Variants in LRRC4C observed in about 807,000 individuals in gnomAD.
The protein encoded by LRRC4C is leucine rich repeat containing 4C.
Under a neutral mutation model 33.6 loss-of-function variants are expected in LRRC4C, and 5 were observed. The observed-to-expected ratio is 0.15, with a 90% CI of 0.08 to 0.31. The LOEUF (loss-of-function observed/expected upper bound fraction) is 0.31. Among genes scored for constraint, LRRC4C ranks in the 10% least tolerant of loss-of-function variants. LRRC4C has a pLI of 1.00. For synonymous variants in LRRC4C, 329 were observed against 302.0 expected (o/e 1.09, Z -0.93); for missense variants, 560 against 796.7 (o/e 0.70, Z 3.58).
At chr11:40,126,217 T>C (rs1856213502) in intron 6 of LRRC4C, among the ~76,000 whole-genome samples, 1 of 151,920 alleles carries the variant, frequency 6.6e-6, no homozygotes, top group Non-Finnish European at 1.5e-5. Context: ...AGAAGACTTA[T>C]TTGGCTTACA....
chr11:40,258,069 G>A (rs1182634598), intron 4 of LRRC4C, among the ~76,000 whole-genome samples: 1 of 152,084 alleles, frequency 6.6e-6, no homozygotes, highest in Non-Finnish European at 1.5e-5. Context: ...TTACAGCAAT[G>A]TGCCTATCTT....
At chr11:41,070,874 C>T (rs1938625019) in intron 1 of LRRC4C, among the ~76,000 whole-genome samples, 1 of 152,060 alleles carries the variant, frequency 6.6e-6, no homozygotes, top group South Asian at 2.1e-4. Flanking sequence ...ACCAGAAATA[C>T]CATTTGATCC....
chr11:41,269,064 G>A (rs1949239536), intron 1 of LRRC4C, among the ~76,000 whole-genome samples: 1 of 152,076 alleles, frequency 6.6e-6, no homozygotes, highest in Non-Finnish European at 1.5e-5. Flanking sequence ...TATACTAATA[G>A]CATTGGGTAA....
chr11:40,174,683 G>A (rs1860327994), intron 5 of LRRC4C, among the ~76,000 whole-genome samples: 1 of 152,178 alleles, frequency 6.6e-6, no homozygotes, highest in Non-Finnish European at 1.5e-5. Context: ...CATAGCAGCA[G>A]TGTGGAGTTT....
chr11:40,604,096 T>C (rs986538646), intron 3 of LRRC4C, among the ~76,000 whole-genome samples: 5 of 151,944 alleles, frequency 3.3e-5, no homozygotes, highest in African/African-American at 1.2e-4. Context: ...GAGAAAGAAA[T>C]ATGCATCCAA....
At chr11:40,624,067 C>T (rs527304186) in intron 3 of LRRC4C, among the ~76,000 whole-genome samples, 7 of 152,124 alleles carry the variant, frequency 4.6e-5, no homozygotes, top group African/African-American at 1.7e-4. Flanking sequence ...AAGCCACTTG[C>T]GTATTCAAAT....
rs562525278 is a variant in LRRC4C at position 40,924,100 on chromosome 11, A to G, written c.-407+9535T>C. ...TGTGTGTATATATGTGTGTGTGTGT[A>G]TGTGTGTGTGTGTGTGTGTGTGTAT... On this transcript the variant is annotated intron_variant, in intron 2 of 6. Transcript: ENST00000528697. 8.1e-3 allele frequency among the ~76,000 whole-genome samples: 1,176 copies of G among 144,870 alleles called. 12 individuals are homozygous for G. The highest frequency in any genetic ancestry group is 0.028 in the Admixed American group (403 of 14,346).
intron 3 of LRRC4C, among the ~76,000 whole-genome samples, chr11:40,553,523 AAGCAT>A (rs1253689184): frequency 6.6e-6 from 1 of 152,166 alleles, no homozygotes; most frequent in Non-Finnish European, 1.5e-5. Flanking sequence ...AACTCTAAGT[AAGCAT>A]GATGTTTCCA....
chr11:40,895,714 C>T (rs1026821548), intron 2 of LRRC4C, among the ~76,000 whole-genome samples: 3 of 152,310 alleles, frequency 2.0e-5, no homozygotes, highest in East Asian at 1.9e-4. Context: ...CATTTGGCCA[C>T]TGGATACTTT....
At chr11:40,598,334 A>T (rs1005591998) in intron 3 of LRRC4C, among the ~76,000 whole-genome samples, 15 of 152,170 alleles carry the variant, frequency 9.9e-5, no homozygotes, top group African/African-American at 3.6e-4. Context: ...CCTAGAACAG[A>T]AAATGGCTAA....
At chr11:40,382,929 G>A (rs1197829883) in intron 3 of LRRC4C, among the ~76,000 whole-genome samples, 9 of 151,538 alleles carry the variant, frequency 5.9e-5, no homozygotes, top group African/African-American at 1.5e-4. Context: ...TCCTGACCTC[G>A]TGATCCGCCT....
chr11:40,562,365 T>A (rs12288270), intron 3 of LRRC4C, among the ~76,000 whole-genome samples: 7,322 of 152,272 alleles, frequency 0.048, 457 homozygotes, highest in African/African-American at 0.14. Context: ...ATAAATTAAA[T>A]TAGTCTGTAG....
intron 2 of LRRC4C, among the ~76,000 whole-genome samples, chr11:40,764,503 G>A (rs1293896881): frequency 6.6e-6 from 1 of 152,300 alleles, no homozygotes; most frequent in Non-Finnish European, 1.5e-5. Context: ...CTCCCAGACA[G>A]CATTTTGGGA....
At chr11:40,481,689 T>C (rs558829273) in intron 3 of LRRC4C, among the ~76,000 whole-genome samples, 2 of 152,290 alleles carry the variant, frequency 1.3e-5, no homozygotes, top group East Asian at 1.9e-4. Context: ...GTATCCTCTA[T>C]GATAAATAAA....
intron 2 of LRRC4C, among the ~76,000 whole-genome samples, chr11:40,699,851 G>A (rs1420515205): frequency 2.0e-5 from 3 of 151,948 alleles, no homozygotes; most frequent in Non-Finnish European, 4.4e-5. Flanking sequence ...ATCTTATTTC[G>A]GTGACTAAAA....
intron 2 of LRRC4C, among the ~76,000 whole-genome samples, chr11:40,804,195 G>A (rs536396691): frequency 6.6e-6 from 1 of 151,948 alleles, no homozygotes; most frequent in Non-Finnish European, 1.5e-5. Flanking sequence ...CTTATAAATG[G>A]AGTCTCATAG....
chr11:40,233,515 C>T (rs557253346), intron 5 of LRRC4C, among the ~76,000 whole-genome samples: 28 of 152,140 alleles, frequency 1.8e-4, no homozygotes, highest in East Asian at 3.9e-4. Context: ...AGATCCTAGA[C>T]GCAGAGAGCT....
chr11:41,296,360 C>T (rs1401519947), intron 1 of LRRC4C, among the ~76,000 whole-genome samples: 3 of 151,574 alleles, frequency 2.0e-5, no homozygotes, highest in Non-Finnish European at 4.4e-5. Flanking sequence ...TGTTGCCCAG[C>T]CTGGAGTGCA....
chr11:41,051,593 TA>T (rs1858233201), intron 1 of LRRC4C, among the ~76,000 whole-genome samples: 1 of 150,558 alleles, frequency 6.6e-6, no homozygotes, highest in Non-Finnish European at 1.5e-5. Context: ...TTCTGATTTT[TA>T]AAAATTTTTA....
Sources: allele counts gnomAD v4.1 joint callset (sites outside exome capture counted in the v4.1 genomes callset), GRCh38; gene constraint gnomAD v4.1.1; transcripts MANE v1.5; gene names NCBI Gene and HGNC (gene_info 2026-07-23, HGNC 2026-07-21).